The following ARHGEF11 variants were observed in gnomAD, a reference collection of about 807,000 sequenced individuals.
ARHGEF11 encodes Rho guanine exchange factor (GEF) 11.
In ARHGEF11, 55 loss-of-function variants were observed where a neutral mutation model predicts 193.7. That is an observed-to-expected ratio of 0.28 (90% CI 0.23 to 0.36). ARHGEF11 has a LOEUF of 0.36. Among genes scored for constraint, ARHGEF11 ranks in the 10% least tolerant of loss-of-function variants. ARHGEF11 has a pLI of 1.00. For missense variants in ARHGEF11, 1,723 were observed against 2,005.6 expected (o/e 0.86, Z 2.69); for synonymous variants, 693 against 768.0 (o/e 0.90, Z 1.62).
intron 17 of ARHGEF11, 57 bp downstream of exon 17, chr1:156,958,685 A>G: frequency 6.2e-7 from 1 of 1,608,790 alleles, no homozygotes; most frequent in Non-Finnish European, 8.5e-7. Context: ...CAGACCCACA[A>G]AATATGTCAA....
intron 3 of ARHGEF11, among the ~76,000 whole-genome samples, chr1:156,983,502 G>A (rs1398766952): frequency 4.6e-5 from 7 of 152,226 alleles, no homozygotes; most frequent in African/African-American, 1.7e-4. Flanking sequence ...GATTACAGGC[G>A]TGAGCCACCA....
rs1283053538 is a variant in ARHGEF11 at position 156,978,191 on chromosome 1, G to A, written c.510+13C>T. On this transcript the variant is annotated intron_variant, in intron 6 of 40. Coordinates refer to ENST00000368194, the MANE Select transcript of ARHGEF11 (RefSeq NM_198236.3). ...ACATTAGGGTGAGGAAAGAAAGCCA[G>A]GAGGATTATTACCTGCAGAGGTTTG... The A allele has an allele frequency of 8.7e-6, 14 of 1,614,144 alleles. No homozygotes were observed. Among genetic ancestry groups the A allele is most frequent in the Non-Finnish European group, 1.1e-5 (13 of 1,180,012 alleles).
At position 156,944,083 on chromosome 1, in the gene ARHGEF11, C is replaced by T. The variant is rs376383867; in HGVS notation, c.3087G>A (p.Leu1029=). The change falls in exon 32 of 41, where the codon CTG becomes CTA. Residue 1029 remains leucine, a synonymous_variant. Transcript: ENST00000368194. Reference sequence around the variant, plus strand: ...TCTGTAGCAGCACTAGGAGGTCCTCCAGCAGCAGCACGTGGAGGTCTGGAG... The same window carrying T: ...TCTGTAGCAGCACTAGGAGGTCCTCTAGCAGCAGCACGTGGAGGTCTGGAG... ...DKTLDLHVLL[L]EDLLVLLQKQ... 14 of 1,613,774 alleles carry T rather than the reference C, an allele frequency of 8.7e-6. No individual in the cohort carries two copies. Among genetic ancestry groups the T allele is most frequent in the Non-Finnish European group, 1.1e-5 (13 of 1,179,892 alleles).
Position 156,974,321 on chromosome 1 carries a change from G to T in ARHGEF11, c.583-2505C>A, listed in dbSNP as rs148114479. ...AGGCTCAAGTAATCTTCCCACTTTG[G>T]CTTCCCAAAGTGCTGGGATTACAGG... On this transcript the variant is annotated intron_variant, in intron 7 of 40. Transcript: ENST00000368194. 1.8e-3 allele frequency among the ~76,000 whole-genome samples: 280 copies of T among 152,096 alleles called. 1 individual carries two copies. The highest frequency in any genetic ancestry group is 6.4e-3 in the African/African-American group (264 of 41,484).
At chr1:157,003,726 A>G (rs1319826896) in intron 1 of ARHGEF11, among the ~76,000 whole-genome samples, 2 of 152,214 alleles carry the variant, frequency 1.3e-5, no homozygotes, top group African/African-American at 4.8e-5. Context: ...AGTGCAGACA[A>G]CTATTTATAC....
intron 5 of ARHGEF11, 39 bp downstream of exon 5, chr1:156,979,190 C>T (rs747361576): frequency 1.2e-6 from 2 of 1,601,524 alleles, no homozygotes; most frequent in Non-Finnish European, 1.7e-6. Flanking sequence ...CTCGGATCAT[C>T]TGCTTCCCTA....
chr1:157,039,546 T>C lies in ARHGEF11; in HGVS notation c.32+4753A>G, dbSNP rs1397092566. On this transcript the variant is annotated intron_variant, in intron 1 of 40. Transcript: ENST00000368194. ...AGACCAGGATCAGCAACTTCTTCAG[T>C]ACGGTTTACCCCATGGGGCAAAGGA... 2.6e-5 allele frequency among the ~76,000 whole-genome samples: 4 copies of C among 152,178 alleles called. No homozygotes were observed. In the East Asian group the frequency reaches 7.7e-4, roughly 29 times the overall value.
chr1:156,939,698 C>G lies in ARHGEF11; in HGVS notation c.3946G>C (p.Glu1316Gln). ...GAACAGAGACCCATGTCTTCCTGCTCTGGCCGTTCCCCCTCCAGCCCTGCA... is the reference window on the plus strand; with the variant it reads ...GAACAGAGACCCATGTCTTCCTGCTGTGGCCGTTCCCCCTCCAGCCCTGCA... ...QLAGLEGERP[E>Q]QEDMGLCSLE... The change falls in exon 37 of 41, where the codon GAG becomes CAG. Residue 1316 changes from glutamate to glutamine, a missense_variant. By Grantham distance (29) the Glu-to-Gln change is conservative (BLOSUM62 2). This residue lies in a region of ARHGEF11 where 360 missense variants were observed against 344.4 expected (regional missense o/e 1.05). Transcript: ENST00000368194. 6.2e-7 allele frequency: 1 copy of G among 1,614,144 alleles called. No homozygotes were observed. Among genetic ancestry groups the G allele is most frequent in the East Asian group, 2.2e-5 (1 of 44,878 alleles).
At chr1:157,007,920 T>G (rs376346464) in intron 1 of ARHGEF11, among the ~76,000 whole-genome samples, 25,756 of 136,794 alleles carry the variant, frequency 0.19, 2,371 homozygotes, top group South Asian at 0.28. Flanking sequence ...TTTGTTTTTT[T>G]TTTTTTTGTC....
chr1:156,936,228 T>G (rs1420821041), intron 40 of ARHGEF11, 170 bp from the exon 41 acceptor site: 1 of 796,244 alleles, frequency 1.3e-6, no homozygotes, highest in Non-Finnish European at 2.3e-6. Context: ...TGAACTCCAC[T>G]TTCATCAGCG....
chr1:157,006,853 C>T (rs1667886939), intron 1 of ARHGEF11, among the ~76,000 whole-genome samples: 1 of 152,202 alleles, frequency 6.6e-6, no homozygotes, highest in East Asian at 1.9e-4. Flanking sequence ...ATGAAGGGCC[C>T]CAGTGAAGCA....
intron 17 of ARHGEF11, 111 bp downstream of exon 17, chr1:156,958,631 G>C (rs1660308468): frequency 6.7e-7 from 1 of 1,486,982 alleles, no homozygotes; most frequent in Non-Finnish European, 9.2e-7. Context: ...TTCAGGGGCA[G>C]GAGAATCAGG....
intron 1 of ARHGEF11, among the ~76,000 whole-genome samples, chr1:156,997,806 A>T (rs1217967310): frequency 6.6e-6 from 1 of 152,084 alleles, no homozygotes; most frequent in East Asian, 1.9e-4. Flanking sequence ...TTTTGAATAT[A>T]TTGGGTTAAA....
chr1:156,936,141 C>T (rs374573005), intron 40 of ARHGEF11, 83 bp from the exon 41 acceptor site: 7 of 1,372,214 alleles, frequency 5.1e-6, no homozygotes, highest in African/African-American at 1.4e-5. Context: ...TTCAGGCTCA[C>T]GAGAACAGAT....
At chr1:157,001,308 A>C (rs565946910) in intron 1 of ARHGEF11, among the ~76,000 whole-genome samples, 12 of 152,336 alleles carry the variant, frequency 7.9e-5, no homozygotes, top group Non-Finnish European at 1.2e-4. Context: ...TGAGCTCTAC[A>C]AAGTATACTT....
In ARHGEF11 at chr1:156,936,088, G is replaced by A. The variant is rs778711866; in HGVS notation, c.4631-30C>T. 3.7e-6 allele frequency: 6 copies of A among 1,611,794 alleles called. No homozygotes were observed. In the Admixed American group the frequency reaches 1.0e-4, roughly 27 times the overall value. The stretch of plus-strand genomic sequence containing the variant: ...GGGAGGAGGATGAAGGTGAGGAACT[G>A]GCCAGCCTGAGGTGACCGCTTCCAC... On this transcript the variant is annotated intron_variant, in intron 40 of 40. Coordinates refer to ENST00000368194, the MANE Select transcript of ARHGEF11 (RefSeq NM_198236.3).
intron 1 of ARHGEF11, among the ~76,000 whole-genome samples, chr1:156,988,111 CCCTTTGATGTTTT>C (rs1336835439): frequency 6.6e-6 from 1 of 152,160 alleles, no homozygotes; most frequent in African/African-American, 2.4e-5. Context: ...CGGGGAAGTG[CCCTTTGATGTTTT>C]CCACAGCTCC....
intron 1 of ARHGEF11, 105 bp from the exon 2 acceptor site, chr1:156,986,278 G>C: frequency 1.1e-6 from 1 of 893,976 alleles, no homozygotes; most frequent in East Asian, 2.6e-5. Flanking sequence ...TGGATAATGA[G>C]AGACCAACCT....
intron 1 of ARHGEF11, among the ~76,000 whole-genome samples, chr1:157,038,392 A>T (rs1008481768): frequency 1.3e-5 from 2 of 152,208 alleles, no homozygotes; most frequent in Non-Finnish European, 2.9e-5. Flanking sequence ...TGAGGAGGAA[A>T]ATCTTAAGGA....
Sources: allele counts gnomAD v4.1 joint callset (sites outside exome capture counted in the v4.1 genomes callset), GRCh38; gene constraint gnomAD v4.1.1; regional missense constraint gnomAD v4.1.1; transcripts MANE v1.5; gene names NCBI Gene and HGNC (gene_info 2026-07-23, HGNC 2026-07-21).